Variants in ELL2 observed in about 807,000 individuals in gnomAD.
ELL2 encodes elongation factor for RNA polymerase II 2.
ELL2 carries 21 observed loss-of-function variants against 72.8 expected under a neutral mutation model. The ratio of observed to expected loss-of-function variants is 0.29; its 90% CI spans 0.20 to 0.42. The LOEUF is 0.42. Ranked by LOEUF, ELL2 falls within the 10% of genes least tolerant of loss-of-function variation. ELL2 has a pLI of 1.00. For missense variants in ELL2, 568 were observed against 772.8 expected, an observed-to-expected ratio of 0.73 and a Z score of 3.14; for synonymous variants, 266 against 283.2, an observed-to-expected ratio of 0.94 and a Z score of 0.61.
At chr5:95,945,838 T>C (rs1751136325) in intron 1 of ELL2, among the ~76,000 whole-genome samples, 1 of 152,202 alleles carries the variant, frequency 6.6e-6, no homozygotes, top group Non-Finnish European at 1.5e-5. Context: ...AAGGATGAGA[T>C]CTGACCTGTA....
intron 1 of ELL2, among the ~76,000 whole-genome samples, chr5:95,959,079 T>C (rs1751720112): frequency 6.6e-6 from 1 of 152,022 alleles, no homozygotes; most frequent in South Asian, 2.1e-4. Flanking sequence ...CATACAAAGG[T>C]AGGAAAACAA....
chr5:95,926,380 T>C (rs1181908246), intron 2 of ELL2, among the ~76,000 whole-genome samples: 3 of 152,178 alleles, frequency 2.0e-5, no homozygotes, highest in South Asian at 4.1e-4. Flanking sequence ...GAAATTTCCA[T>C]ATGATAGCTA....
chr5:95,943,018 A>G lies in ELL2; in HGVS notation c.179T>C (p.Phe60Ser). 1 of 1,601,144 alleles carries G rather than the reference A, an allele frequency of 6.2e-7. No homozygotes were observed. Among genetic ancestry groups the G allele is most frequent in the Non-Finnish European group, 8.5e-7 (1 of 1,173,682 alleles). The change falls in exon 2 of 12, where the codon TTC (phenylalanine) becomes TCC (serine). Residue 60 changes from phenylalanine to serine, a missense_variant. By Grantham distance (155) the Phe-to-Ser change is radical. Transcript: ENST00000237853. ...NLIPFRPSIQ[F>S]QGLHGLVKIP... is the part of the protein sequence containing the mutation. ...AGTACTCACCCCGTGGAGTCCTTGG[A>G]ACTGGATTGAAGGTCGAAAAGGAAT...
At chr5:95,916,293 T>C (rs1325015459) in intron 3 of ELL2, among the ~76,000 whole-genome samples, 3 of 152,018 alleles carry the variant, frequency 2.0e-5, no homozygotes, top group Non-Finnish European at 4.4e-5. Context: ...GAGACAGGAC[T>C]GGGACAAAGA....
At chr5:95,942,587 T>C (rs752839727) in intron 2 of ELL2, among the ~76,000 whole-genome samples, 1 of 152,192 alleles carries the variant, frequency 6.6e-6, no homozygotes. Flanking sequence ...TTTCCTGGTA[T>C]ATACAACTTA....
In ELL2 at chr5:95,885,869, C is replaced by A. The variant is rs1580470566; in HGVS notation, c.*3002G>T. 6.6e-6 allele frequency: 1 copy of A among 152,134 alleles called. No homozygotes were observed. Among genetic ancestry groups the A allele is most frequent in the African/African-American group, 2.4e-5 (1 of 41,508 alleles). 9.4% of individuals were successfully genotyped at this position (152,134 alleles called of 1,614,324 possible). A position where few individuals can be genotyped will look rare whatever the true frequency, so the allele number is the denominator to read the frequency against. On this transcript the variant is annotated 3_prime_UTR_variant, in exon 12 of 12. Transcript: ENST00000237853. ...TACCTTAAAGAGTTGAAAGTTAAGC[C>A]CTCTAAAGTATTCAAAGTGGAATAA...
intron 8 of ELL2, 86 bp from the exon 9 acceptor site, chr5:95,895,777 CTG>C: frequency 9.7e-7 from 1 of 1,030,612 alleles, no homozygotes; most frequent in South Asian, 1.3e-5. Context: ...TTAGAAACAT[CTG>C]GAACACTTTT....
At chr5:95,907,341 CA>C (rs1365744582) in intron 4 of ELL2, among the ~76,000 whole-genome samples, 1 of 128,172 alleles carries the variant, frequency 7.8e-6, no homozygotes, top group Non-Finnish European at 1.6e-5. Flanking sequence ...ATTCATAAAA[CA>C]AAACTAACCA....
intron 1 of ELL2, among the ~76,000 whole-genome samples, chr5:95,957,201 A>G (rs1398038602): frequency 1.3e-5 from 2 of 152,266 alleles, no homozygotes; most frequent in African/African-American, 4.8e-5. Flanking sequence ...AGTTTTTGTT[A>G]TAAAAGTAAG....
intron 2 of ELL2, among the ~76,000 whole-genome samples, chr5:95,924,963 C>T (rs1438295482): frequency 6.6e-6 from 1 of 152,164 alleles, no homozygotes; most frequent in African/African-American, 2.4e-5. Flanking sequence ...ACAATGTGCA[C>T]ACTGCTGCAA....
At chr5:95,950,650 C>T (rs1256404502) in intron 1 of ELL2, among the ~76,000 whole-genome samples, 1 of 151,726 alleles carries the variant, frequency 6.6e-6, no homozygotes, top group Non-Finnish European at 1.5e-5. Flanking sequence ...GTATTTTTCC[C>T]TGTGAGTCAA....
In ELL2 at chr5:95,961,771, C is replaced by T; in HGVS notation, c.-50G>A. 2.0e-6 allele frequency: 3 copies of T among 1,530,946 alleles called. No homozygotes were observed. Among genetic ancestry groups the T allele is most frequent in the East Asian group, 2.5e-5 (1 of 40,456 alleles). 94.8% of individuals were successfully genotyped at this position (1,530,946 alleles called of 1,614,324 possible). A position where few individuals can be genotyped will look rare whatever the true frequency, so the allele number is the denominator to read the frequency against. Reference sequence around the variant, plus strand: ...CCGCCGCCGCTCCGGCTCTAGCCTCCACTGCGGCCGCGGCTGCTTGGGCTT... The same window carrying T: ...CCGCCGCCGCTCCGGCTCTAGCCTCTACTGCGGCCGCGGCTGCTTGGGCTT... On this transcript the variant is annotated 5_prime_UTR_variant, in exon 1 of 12. Transcript: ENST00000237853.
chr5:95,927,296 A>C (rs1750318059), intron 2 of ELL2, among the ~76,000 whole-genome samples: 1 of 150,200 alleles, frequency 6.7e-6, no homozygotes, highest in Non-Finnish European at 1.5e-5. Context: ...AAGGGGAGAA[A>C]TCAAGGATGA....
In ELL2 at chr5:95,961,712, C is replaced by G. The variant is rs745595697; in HGVS notation, c.10G>C (p.Gly4Arg). 2 of 1,605,482 alleles carry G rather than the reference C, an allele frequency of 1.2e-6. No homozygotes were observed. Among genetic ancestry groups the G allele is most frequent in the Non-Finnish European group, 1.7e-6 (2 of 1,177,194 alleles). ...TCCTCCCGCAGGCCCCCTGTCCCCC[C>G]CGCCGCCATCTTAAACTCCCCGGGG... MAAGGTGGLREEQR... is the reference protein window; with the variant it reads MAARGTGGLREEQR... The change falls in exon 1 of 12, where the codon GGG (glycine) becomes CGG (arginine). Residue 4 changes from glycine to arginine, a missense_variant. This residue lies in a region of ELL2 where 57 missense variants were observed against 44.4 expected (regional missense o/e 1.28). Coordinates refer to ENST00000237853, the MANE Select transcript of ELL2 (RefSeq NM_012081.6).
chr5:95,931,978 GTT>G (rs10627430), intron 2 of ELL2, among the ~76,000 whole-genome samples: 27 of 140,746 alleles, frequency 1.9e-4, no homozygotes, highest in Admixed American at 7.1e-4. Context: ...CTGTGGGGGT[GTT>G]TTTTTTTTTT....
intron 2 of ELL2, among the ~76,000 whole-genome samples, chr5:95,941,849 CAAAT>C (rs1355622858): frequency 1.3e-5 from 2 of 152,194 alleles, no homozygotes; most frequent in East Asian, 3.8e-4. Context: ...ACTAAGCCCT[CAAAT>C]AGAAAATCAG....
chr5:95,907,616 G>C (rs543329161), intron 4 of ELL2, among the ~76,000 whole-genome samples: 16 of 152,206 alleles, frequency 1.1e-4, no homozygotes, highest in Admixed American at 7.2e-4. Context: ...GACATGCCTG[G>C]TCACTGACAA....
intron 9 of ELL2, among the ~76,000 whole-genome samples, chr5:95,893,125 T>C (rs1021710448): frequency 1.3e-5 from 2 of 152,160 alleles, no homozygotes; most frequent in Non-Finnish European, 2.9e-5. Flanking sequence ...CTTAGGGAAA[T>C]TATTCAATGA....
chr5:95,951,826 C>T (rs893515599), intron 1 of ELL2, among the ~76,000 whole-genome samples: 1 of 152,052 alleles, frequency 6.6e-6, no homozygotes, highest in Non-Finnish European at 1.5e-5. Context: ...ACTGGAATAG[C>T]AGTAATGGGT....
Sources: gnomAD v4.1 joint callset for allele counts (sites outside exome capture counted in the v4.1 genomes callset) on GRCh38, gnomAD v4.1.1 for gene constraint, gnomAD v4.1.1 regional missense constraint, MANE v1.5 for transcripts, NCBI Gene and HGNC (gene_info 2026-07-23, HGNC 2026-07-21) for gene names.